DRC4: variants seen among roughly 807,000 people sequenced by gnomAD.
DRC4 encodes the protein GAS-11.
the DRC4 span, among the ~76,000 whole-genome samples, chr16:90,038,773 AG>A: frequency 7.2e-5 from 11 of 152,184 alleles, no homozygotes; most frequent in South Asian, 4.1e-4. Flanking sequence ...ATTCGCAGTG[AG>A]TGGTAGGGGT....
chr16:90,023,250 C>G, the DRC4 span, among the ~76,000 whole-genome samples: 1 of 152,204 alleles, frequency 6.6e-6, no homozygotes, highest in Non-Finnish European at 1.5e-5. Context: ...GTCCAGTGCC[C>G]TTGGAGTGCC....
At chr16:90,041,578 G>A in the DRC4 span, among the ~76,000 whole-genome samples, 6 of 152,200 alleles carry the variant, frequency 3.9e-5, no homozygotes, top group African/African-American at 1.2e-4. Flanking sequence ...GGCTGAGGTG[G>A]GCAGATCACG....
At chr16:90,035,471 G>T in the DRC4 span, among the ~76,000 whole-genome samples, 3 of 152,160 alleles carry the variant, frequency 2.0e-5, no homozygotes, top group African/African-American at 7.2e-5. Flanking sequence ...TGCTCACGAC[G>T]TCTGTTCATG....
chr16:90,042,904 C>T, the DRC4 span: 1 of 510,764 alleles, frequency 2.0e-6, no homozygotes, highest in Non-Finnish European at 3.5e-6. Flanking sequence ...AAACACCCAG[C>T]CAGGGCCCAG....
At chr16:90,035,169 C>T in the DRC4 span, among the ~76,000 whole-genome samples, 5 of 152,158 alleles carry the variant, frequency 3.3e-5, no homozygotes, top group Admixed American at 2.0e-4. Context: ...TCCCAAAGTG[C>T]TGGGATTACA....
At chr16:90,037,375 C>T in the DRC4 span, 29 of 1,613,506 alleles carry the variant, frequency 1.8e-5, no homozygotes, top group African/African-American at 1.2e-4. Flanking sequence ...TCGCAAACTA[C>T]GAGAGGGACA....
chr16:90,027,739 G>A, the DRC4 span: 1 of 1,613,538 alleles, frequency 6.2e-7, no homozygotes, highest in Middle Eastern at 1.7e-4. Context: ...AGAGCGGGCT[G>A]TGGCCCAGTC....
At chr16:90,021,300 C>T in the DRC4 span, among the ~76,000 whole-genome samples, 13 of 152,198 alleles carry the variant, frequency 8.5e-5, no homozygotes, top group African/African-American at 3.1e-4. Flanking sequence ...AGACCTAGGT[C>T]CACCAGGCCT....
At chr16:90,041,866 G>C in the DRC4 span, among the ~76,000 whole-genome samples, 5 of 152,152 alleles carry the variant, frequency 3.3e-5, no homozygotes, top group African/African-American at 1.2e-4. Context: ...GTGGTGTTTA[G>C]TGACCAGTCT....
At chr16:90,020,427 A>T in the DRC4 span, among the ~76,000 whole-genome samples, 1 of 152,188 alleles carries the variant, frequency 6.6e-6, no homozygotes, top group African/African-American at 2.4e-5. Context: ...CCTGGTGGAT[A>T]GTGGGTGGCA....
At chr16:90,028,873 G>A in the DRC4 span, 6 of 1,119,892 alleles carry the variant, frequency 5.4e-6, no homozygotes, top group Middle Eastern at 2.6e-4. Context: ...AGAGTCTCAT[G>A]ACCTGAAGTT....
chr16:90,026,166 A>T, the DRC4 span, among the ~76,000 whole-genome samples: 2 of 152,148 alleles, frequency 1.3e-5, no homozygotes, highest in Non-Finnish European at 2.9e-5. Flanking sequence ...GCATGGGCTG[A>T]AGACTACTGG....
At chr16:90,020,216 C>G in the DRC4 span, 1 of 467,906 alleles carries the variant, frequency 2.1e-6, no homozygotes, top group African/African-American at 2.0e-5. Flanking sequence ...TTGACTCATG[C>G]CTGTAATCCC....
chr16:90,038,211 A>C, the DRC4 span, among the ~76,000 whole-genome samples: 1 of 152,138 alleles, frequency 6.6e-6, no homozygotes, highest in African/African-American at 2.4e-5. Flanking sequence ...GGAGGCTCTT[A>C]AGTGTAAGTG....
At chr16:90,036,809 G>C in the DRC4 span, 9 of 670,922 alleles carry the variant, frequency 1.3e-5, no homozygotes, top group Non-Finnish European at 2.2e-5. Flanking sequence ...CCTCACCGTA[G>C]TGCAGAGGGG....
the DRC4 span, chr16:90,037,345 G>A: frequency 6.2e-7 from 1 of 1,614,070 alleles, no homozygotes; most frequent in Non-Finnish European, 8.5e-7. Flanking sequence ...GGGAGGAGAT[G>A]AGCGAGATGC....
chr16:90,029,236 A>T, the DRC4 span: 1 of 1,366,538 alleles, frequency 7.3e-7, no homozygotes, highest in African/African-American at 1.5e-5. Context: ...TGCACTGCAC[A>T]TCGCACGTTG....
the DRC4 span, chr16:90,040,446 C>T: frequency 1.2e-4 from 193 of 1,611,434 alleles, 1 homozygote; most frequent in African/African-American, 1.8e-3. Context: ...TGCAGTTCAA[C>T]GAGGTCCTGG....
chr16:90,035,262 A>G, the DRC4 span, among the ~76,000 whole-genome samples: 2 of 151,908 alleles, frequency 1.3e-5, no homozygotes, highest in Non-Finnish European at 2.9e-5. Flanking sequence ...TGAACTCTTG[A>G]CCTCAAGTGA....
Sources: gnomAD v4.1 joint callset for allele counts (sites outside exome capture counted in the v4.1 genomes callset) on GRCh38, gnomAD v4.1.1 for gene constraint, MANE v1.5 for transcripts, NCBI Gene and HGNC (gene_info 2026-07-23, HGNC 2026-07-21) for gene names.